AKAP13: variants seen among roughly 807,000 people sequenced by gnomAD.
AKAP13 encodes the protein A-kinase anchoring protein 13, also known as A-kinase anchor protein 13.
A neutral mutation model predicts 264.5 loss-of-function variants in AKAP13; 80 were observed. That is an observed-to-expected ratio of 0.30 (90% confidence interval 0.25 to 0.36). The LOEUF (loss-of-function observed/expected upper bound fraction) is 0.36. Among genes scored for constraint, AKAP13 ranks in the 10% least tolerant of loss-of-function variants. The pLI is 1.00. For missense variants in AKAP13, 3,712 were observed against 3,435.2 expected, an observed-to-expected ratio of 1.08 and a Z score of -2.01; for synonymous variants, 1,380 against 1,250.2, an observed-to-expected ratio of 1.10 and a Z score of -2.19.
intron 2 of AKAP13, among the ~76,000 whole-genome samples, chr15:85,489,044 C>A (rs2075652847): frequency 6.6e-6 from 1 of 152,174 alleles, no homozygotes; most frequent in Non-Finnish European, 1.5e-5. Context: ...AGCCTGAGAA[C>A]TTTAGAGTTA....
chr15:85,700,819 T>TA lies in AKAP13; in HGVS notation c.5465-7191dup, dbSNP rs541090240. Reference sequence around the variant, plus strand: ...ATACTGTGATTGCAAGGCAAGCCATTAAAAAAAAACTGCTAATATTGGTTA... The same window carrying TA: ...ATACTGTGATTGCAAGGCAAGCCATTAAAAAAAAAACTGCTAATATTGGTTA... On this transcript the variant is annotated intron_variant, in intron 17 of 36. Coordinates refer to ENST00000394518, the MANE Select transcript of AKAP13 (RefSeq NM_007200.5). Among the ~76,000 whole-genome samples the TA allele has an allele frequency of 3.2e-3, 484 of 151,116 alleles. 1 individual carries two copies. The highest frequency in any genetic ancestry group is 5.1e-3 in the Non-Finnish European group (344 of 67,674).
At chr15:85,621,773 G>A (rs1253873366) in intron 8 of AKAP13, among the ~76,000 whole-genome samples, 3 of 152,122 alleles carry the variant, frequency 2.0e-5, no homozygotes, top group African/African-American at 4.8e-5. Context: ...TGAAGAGCCC[G>A]AGGGTTTTCT....
chr15:85,538,490 C>CTTTTTT (rs1056287024), intron 4 of AKAP13, among the ~76,000 whole-genome samples: 1 of 139,096 alleles, frequency 7.2e-6, no homozygotes, highest in African/African-American at 2.6e-5. Context: ...GCTTTTCTTT[C>CTTTTTT]TTTTTTTTTT....
At chr15:85,474,472 T>C (rs2151029549) in intron 1 of AKAP13, among the ~76,000 whole-genome samples, 1 of 152,334 alleles carries the variant, frequency 6.6e-6, no homozygotes, top group Non-Finnish European at 1.5e-5. Context: ...TATCCTTGCT[T>C]GGTGTATAAG....
In AKAP13 at chr15:85,743,865, CTG is replaced by C. The variant is rs778097001; in HGVS notation, c.8392+43_8392+44del. On this transcript the variant is annotated intron_variant, in intron 36 of 36. Coordinates refer to ENST00000394518, the MANE Select transcript of AKAP13 (RefSeq NM_007200.5). ...CCTGCTCTCCCTGTGGCCATAGTGT[CTG>C]TGCATTCTGAGAGAGGGTAGATTTT... 3.8e-5 allele frequency: 59 copies of C among 1,558,890 alleles called. No individual in the cohort carries two copies. In the African/African-American group the frequency reaches 7.3e-4, roughly 19 times the overall value.
chr15:85,691,700 G>A (rs766948388), intron 16 of AKAP13: 1 of 412,368 alleles, frequency 2.4e-6, no homozygotes, highest in Non-Finnish European at 4.9e-6. Flanking sequence ...TCATTTGCTG[G>A]TGTCCCCTGT....
chr15:85,471,301 C>T (rs1290295033), intron 1 of AKAP13, among the ~76,000 whole-genome samples: 1 of 152,176 alleles, frequency 6.6e-6, no homozygotes, highest in African/African-American at 2.4e-5. Context: ...CGAGACCATC[C>T]TGGCTAACAT....
intron 3 of AKAP13, among the ~76,000 whole-genome samples, chr15:85,527,138 G>A (rs946072438): frequency 1.3e-5 from 2 of 151,566 alleles, no homozygotes; most frequent in Non-Finnish European, 2.9e-5. Context: ...AAGTTTTTGT[G>A]TTTTTTAGTA....
In AKAP13 at chr15:85,708,347, T is replaced by A. The variant is rs1031900088; in HGVS notation, c.5532+261T>A. Among the ~76,000 whole-genome samples, 3 of 152,226 alleles carry A rather than the reference T, an allele frequency of 2.0e-5. No individual in the cohort carries two copies. The highest frequency in any genetic ancestry group is 7.2e-5 in the African/African-American group (3 of 41,452). ...CGTTCAATATACATTTCTTCGTGAT[T>A]TTAATATTTCCGTATTGCTCTTAAA... On this transcript the variant is annotated intron_variant, in intron 18 of 36. Coordinates refer to ENST00000394518, the MANE Select transcript of AKAP13 (RefSeq NM_007200.5). This position sits in a 1 kb window ranked among gnomAD's most constrained non-coding sequence, Gnocchi z 4.3.
intron 10 of AKAP13, among the ~76,000 whole-genome samples, chr15:85,651,076 A>G (rs2082816597): frequency 6.6e-6 from 1 of 152,196 alleles, no homozygotes; most frequent in Non-Finnish European, 1.5e-5. Context: ...CTTCAAGTAT[A>G]GTAATAAGAT....
At chr15:85,555,968 C>T (rs1421116950) in intron 5 of AKAP13, among the ~76,000 whole-genome samples, 1 of 152,188 alleles carries the variant, frequency 6.6e-6, no homozygotes, top group African/African-American at 2.4e-5. Flanking sequence ...TTATTAGCTT[C>T]TGATAAATAT....
chr15:85,685,615 C>T (rs908317319), intron 16 of AKAP13, among the ~76,000 whole-genome samples: 3 of 151,924 alleles, frequency 2.0e-5, no homozygotes, highest in South Asian at 4.2e-4. Context: ...CGTAGCCTCC[C>T]GAGTAGCCAG....
At chr15:85,469,208 C>G (rs896820265) in intron 1 of AKAP13, among the ~76,000 whole-genome samples, 1 of 150,498 alleles carries the variant, frequency 6.6e-6, no homozygotes, top group Non-Finnish European at 1.5e-5. Context: ...AGCCACCGCA[C>G]CAGGCCAGGT....
chr15:85,423,090 TCAA>T (rs1399210936), intron 1 of AKAP13, among the ~76,000 whole-genome samples: 1 of 152,258 alleles, frequency 6.6e-6, no homozygotes, highest in Admixed American at 6.5e-5. Flanking sequence ...ATGTGAACCT[TCAA>T]CAAGTCGTGA....
rs1281820634 is a variant in AKAP13 at position 85,575,333 on chromosome 15, A to T, written c.861+4A>T. ...GAACATCCAACAGCAACTAATGGTA[A>T]GTCAGAAAGCTTTTATTTTTAAGTA... is the stretch of plus-strand genomic sequence containing the variant. On this transcript the variant is annotated splice_donor_region_variant and intron_variant, in intron 6 of 36. Transcript: ENST00000394518. The T allele has an allele frequency of 2.5e-6, 4 of 1,613,624 alleles. No homozygotes were observed.
chr15:85,656,696 C>T (rs2083113160), intron 11 of AKAP13, among the ~76,000 whole-genome samples: 1 of 152,202 alleles, frequency 6.6e-6, no homozygotes, highest in Non-Finnish European at 1.5e-5. Flanking sequence ...GATCCACCCG[C>T]CTCGGCCTCC....
At chr15:85,646,998 A>G (rs1456115390) in intron 10 of AKAP13, among the ~76,000 whole-genome samples, 7 of 152,212 alleles carry the variant, frequency 4.6e-5, no homozygotes, top group African/African-American at 1.4e-4. Context: ...TGTTGCATCT[A>G]CCAACACGGT....
intron 2 of AKAP13, among the ~76,000 whole-genome samples, chr15:85,510,098 T>A (rs922987647): frequency 6.6e-6 from 1 of 152,210 alleles, no homozygotes; most frequent in African/African-American, 2.4e-5. Context: ...TTGCTTCTCT[T>A]ACTATGCTTT....
In AKAP13 at chr15:85,582,103, A is replaced by G; in HGVS notation, c.4035A>G (p.Ala1345=). Residue 1345 remains alanine, a synonymous_variant, in exon 7 of 37, where the codon GCA becomes GCG. Transcript: ENST00000394518. ...TACCTGTCCAGGGGCCTGAGCCAGC[A>G]GCAGGTAAGCAAAACATAATACAAA... The part of the protein sequence containing the change: ...IILPVQGPEP[A]AEMPDVKAED... 1 of 1,586,598 alleles carries G rather than the reference A, an allele frequency of 6.3e-7. No homozygotes were observed.
Sources: gnomAD v4.1 joint callset for allele counts (sites outside exome capture counted in the v4.1 genomes callset) on GRCh38, gnomAD v4.1.1 for gene constraint, Gnocchi (gnomAD v3.1) non-coding constraint, MANE v1.5 for transcripts, NCBI Gene and HGNC (gene_info 2026-07-23, HGNC 2026-07-21) for gene names.